The following PCCA variants were observed in gnomAD, a reference collection of about 807,000 sequenced individuals.
PCCA encodes the protein propionyl-CoA carboxylase subunit alpha.
Under a neutral mutation model 101.3 loss-of-function variants are expected in PCCA, and 74 were observed. That is an observed-to-expected ratio of 0.73 (90% CI 0.61 to 0.89). The LOEUF is 0.89. Ranked by LOEUF, PCCA falls within the 40% of genes least tolerant of loss-of-function variation. The pLI is 0.00. For synonymous variants in PCCA, 294 were observed against 313.6 expected (o/e 0.94, Z 0.66); for missense variants, 891 against 907.0 (o/e 0.98, Z 0.23).
At chr13:100,188,750 T>G (rs1217312313) in intron 6 of PCCA, among the ~76,000 whole-genome samples, 1 of 152,210 alleles carries the variant, frequency 6.6e-6, no homozygotes, top group Non-Finnish European at 1.5e-5. Flanking sequence ...TTATGGCCAT[T>G]CTTGCAGGAG....
rs1299790141 is a variant in PCCA, at chr13:100,524,787, G to A, written c.2041-2888G>A. 4.6e-5 allele frequency among the ~76,000 whole-genome samples: 7 copies of A among 152,256 alleles called. No individual in the cohort carries two copies. In the South Asian group the frequency reaches 1.0e-3, roughly 23 times the overall value. ...CTCAGGAGGCTGAGGCAGAAGAATC[G>A]CTTGAACTTGGGAGGTAGAGGTTGC... On this transcript the variant is annotated intron_variant, in intron 22 of 23. Transcript: ENST00000376285.
chr13:100,478,013 G>A (rs902208193), intron 21 of PCCA, among the ~76,000 whole-genome samples: 1 of 152,242 alleles, frequency 6.6e-6, no homozygotes, highest in African/African-American at 2.4e-5. Context: ...GCGAGCTCGA[G>A]CTAATCGGGC....
chr13:100,339,310 C>T (rs559298915), intron 17 of PCCA, among the ~76,000 whole-genome samples: 137 of 152,162 alleles, frequency 9.0e-4, no homozygotes, highest in African/African-American at 2.5e-3. Flanking sequence ...CATGGAGGGT[C>T]GACTGTAAAA....
chr13:100,211,240 C>T (rs866414839), intron 7 of PCCA, among the ~76,000 whole-genome samples: 1 of 152,144 alleles, frequency 6.6e-6, no homozygotes, highest in Non-Finnish European at 1.5e-5. Flanking sequence ...GCACCATCAC[C>T]CCTATCACTC....
chr13:100,442,097 G>A (rs376471304), intron 20 of PCCA, among the ~76,000 whole-genome samples: 27 of 151,452 alleles, frequency 1.8e-4, no homozygotes, highest in African/African-American at 6.5e-4. Context: ...AGGTTTAAGC[G>A]ATTCTCCTGC....
At chr13:100,422,069 CT>C (rs59743956) in intron 19 of PCCA, among the ~76,000 whole-genome samples, 18,289 of 46,742 alleles carry the variant, frequency 0.39, 2,167 homozygotes, top group South Asian at 0.54. Context: ...CTTCTCTTTT[CT>C]TTTCTTTCTT....
chr13:100,335,578 C>T (rs2070320015), intron 17 of PCCA, among the ~76,000 whole-genome samples: 1 of 152,194 alleles, frequency 6.6e-6, no homozygotes, highest in South Asian at 2.1e-4. Flanking sequence ...TATCACTTCC[C>T]TCACTCTTCA....
intron 4 of PCCA, among the ~76,000 whole-genome samples, chr13:100,135,943 C>T (rs1408187989): frequency 6.6e-5 from 10 of 151,924 alleles, no homozygotes; most frequent in East Asian, 1.9e-4. Context: ...TGCTATTTTA[C>T]GCTGAGCGAT....
chr13:100,280,072 A>AATCCC (rs1385330758), intron 12 of PCCA, among the ~76,000 whole-genome samples: 2 of 151,404 alleles, frequency 1.3e-5, no homozygotes, highest in Non-Finnish European at 2.9e-5. Context: ...TTAAGAGTGA[A>AATCCC]ATTTGAAATA....
intron 8 of PCCA, among the ~76,000 whole-genome samples, chr13:100,249,049 C>A (rs528745699): frequency 6.6e-6 from 1 of 152,098 alleles, no homozygotes; most frequent in South Asian, 2.1e-4. Context: ...CCACCATGCC[C>A]GGCTGTGTCT....
intron 19 of PCCA, among the ~76,000 whole-genome samples, chr13:100,389,143 A>G (rs2152838033): frequency 6.6e-6 from 1 of 152,240 alleles, no homozygotes; most frequent in African/African-American, 2.4e-5. Flanking sequence ...CAGGGAGGGC[A>G]GGTGCTGTGG....
At chr13:100,328,123 G>A (rs1185987878) in intron 16 of PCCA, among the ~76,000 whole-genome samples, 3 of 152,094 alleles carry the variant, frequency 2.0e-5, no homozygotes, top group African/African-American at 4.8e-5. Flanking sequence ...CTAGCACTTC[G>A]GGAGGCCGAG....
chr13:100,197,989 C>T (rs556478067), intron 6 of PCCA, among the ~76,000 whole-genome samples: 15 of 152,298 alleles, frequency 9.8e-5, no homozygotes, highest in African/African-American at 2.6e-4. Flanking sequence ...TATTTACATT[C>T]GTTAAGAAAT....
At chr13:100,519,669 C>T (rs894766233) in intron 22 of PCCA, among the ~76,000 whole-genome samples, 91 of 152,354 alleles carry the variant, frequency 6.0e-4, no homozygotes, top group African/African-American at 2.1e-3. Flanking sequence ...TCCCCTTTGT[C>T]TCTAAGCCTC....
chr13:100,520,942 A>AAG (rs2087237901), intron 22 of PCCA, among the ~76,000 whole-genome samples: 1 of 152,180 alleles, frequency 6.6e-6, no homozygotes, highest in East Asian at 1.9e-4. Flanking sequence ...CAGCCTTACC[A>AAG]AGATGTAAAC....
At chr13:100,185,141 C>T (rs1423280535) in intron 6 of PCCA, among the ~76,000 whole-genome samples, 4 of 152,226 alleles carry the variant, frequency 2.6e-5, no homozygotes, top group South Asian at 4.1e-4. Flanking sequence ...ATGCTCCTTC[C>T]TCCCATCCCA....
chr13:100,466,793 G>T (rs894102038), intron 21 of PCCA, among the ~76,000 whole-genome samples: 2 of 152,140 alleles, frequency 1.3e-5, no homozygotes, highest in South Asian at 4.1e-4. Flanking sequence ...AGGAGGCGGG[G>T]GTTGCAGTGA....
At chr13:100,250,257 G>A (rs981185169) in intron 8 of PCCA, among the ~76,000 whole-genome samples, 3 of 151,966 alleles carry the variant, frequency 2.0e-5, no homozygotes, top group Admixed American at 6.6e-5. Context: ...TTCCTAGTTT[G>A]CTAAACTCAG....
At chr13:100,411,355 A>T (rs749645042) in intron 19 of PCCA, among the ~76,000 whole-genome samples, 5 of 151,714 alleles carry the variant, frequency 3.3e-5, no homozygotes, top group Non-Finnish European at 7.4e-5. Flanking sequence ...CCTCCCAAGT[A>T]GCTGGGATTG....
Sources: gnomAD v4.1 joint callset for allele counts (sites outside exome capture counted in the v4.1 genomes callset) on GRCh38, gnomAD v4.1.1 for gene constraint, MANE v1.5 for transcripts, NCBI Gene and HGNC (gene_info 2026-07-23, HGNC 2026-07-21) for gene names.